The following MCC variants were observed in gnomAD, a reference collection of about 807,000 sequenced individuals.
MCC encodes the protein colorectal mutant cancer protein.
Under a neutral mutation model 116.2 loss-of-function variants are expected in MCC, and 90 were observed. That is an observed-to-expected ratio of 0.77 (90% CI 0.65 to 0.92). The LOEUF (loss-of-function observed/expected upper bound fraction) is 0.92, where lower values mean the gene tolerates loss of function less well. Ranked by LOEUF, MCC falls within the 40% of genes least tolerant of loss-of-function variation. MCC has a pLI of 0.00. For missense variants in MCC, 1,516 were observed against 1,312.2 expected, an observed-to-expected ratio of 1.16 and a Z score of -2.40; for synonymous variants, 578 against 510.5, an observed-to-expected ratio of 1.13 and a Z score of -1.78.
chr5:113,426,191 G>C (rs1042956300), intron 1 of MCC, among the ~76,000 whole-genome samples: 3 of 152,070 alleles, frequency 2.0e-5, no homozygotes, highest in African/African-American at 4.8e-5. Flanking sequence ...TGGGCCCCAG[G>C]GTGCTTGGAA....
intron 3 of MCC, among the ~76,000 whole-genome samples, chr5:113,329,834 C>T (rs1488509643): frequency 2.0e-5 from 3 of 152,184 alleles, no homozygotes; most frequent in African/African-American, 7.2e-5. Flanking sequence ...AGCTTAGCCT[C>T]TCCTCCAGAA....
At chr5:113,032,687 A>G (rs1751041979) in intron 17 of MCC, among the ~76,000 whole-genome samples, 1 of 152,226 alleles carries the variant, frequency 6.6e-6, no homozygotes, top group Non-Finnish European at 1.5e-5. Flanking sequence ...GCTAAGACCT[A>G]CTGGGCTGCA....
At chr5:113,338,019 A>G (rs1291357158) in intron 3 of MCC, among the ~76,000 whole-genome samples, 1 of 152,224 alleles carries the variant, frequency 6.6e-6, no homozygotes, top group Non-Finnish European at 1.5e-5. Context: ...GAGTTGCATG[A>G]CAAATGGTGA....
chr5:113,475,532 C>T (rs1309637624), intron 1 of MCC, among the ~76,000 whole-genome samples: 2 of 152,280 alleles, frequency 1.3e-5, no homozygotes, highest in East Asian at 3.9e-4. Context: ...CATATTTAAA[C>T]TGGCATTTTG....
At chr5:113,109,926 G>T (rs1409120544) in intron 6 of MCC, among the ~76,000 whole-genome samples, 1 of 152,158 alleles carries the variant, frequency 6.6e-6, no homozygotes, top group Non-Finnish European at 1.5e-5. Flanking sequence ...GGGCAGCTGA[G>T]GCAGGCCCAC....
At chr5:113,220,607 A>G (rs527436245) in intron 3 of MCC, among the ~76,000 whole-genome samples, 1 of 152,216 alleles carries the variant, frequency 6.6e-6, no homozygotes, top group East Asian at 1.9e-4. Context: ...TAGAATTTCA[A>G]TTTCTGATTG....
chr5:113,270,948 A>G (rs1261829219), intron 3 of MCC, among the ~76,000 whole-genome samples: 1 of 152,056 alleles, frequency 6.6e-6, no homozygotes, highest in African/African-American at 2.4e-5. Flanking sequence ...ACATAATTCA[A>G]TCTCTCCTTG....
chr5:113,344,976 A>T (rs1222247153), intron 2 of MCC, among the ~76,000 whole-genome samples: 2 of 152,170 alleles, frequency 1.3e-5, no homozygotes, highest in African/African-American at 4.8e-5. Flanking sequence ...GGGTAGAGCA[A>T]CAAGCAGGCT....
At chr5:113,107,493 AAGAACT>A (rs1756816277) in intron 6 of MCC, among the ~76,000 whole-genome samples, 1 of 152,004 alleles carries the variant, frequency 6.6e-6, no homozygotes, top group Non-Finnish European at 1.5e-5. Flanking sequence ...CTGAGCTGCT[AAGAACT>A]AGGATGCTCA....
intron 3 of MCC, among the ~76,000 whole-genome samples, chr5:113,294,055 T>C (rs1050219360): frequency 2.6e-5 from 4 of 152,174 alleles, no homozygotes; most frequent in African/African-American, 9.7e-5. Flanking sequence ...ATGCAGACTG[T>C]CGTGAGTAAA....
chr5:113,052,641 T>C (rs1209148399), intron 15 of MCC, among the ~76,000 whole-genome samples: 5 of 152,268 alleles, frequency 3.3e-5, no homozygotes, highest in African/African-American at 1.2e-4. Context: ...CCAGAGATGG[T>C]GCGACCAGGG....
chr5:113,468,077 T>C (rs1771967966), intron 1 of MCC, among the ~76,000 whole-genome samples: 1 of 152,204 alleles, frequency 6.6e-6, no homozygotes, highest in South Asian at 2.1e-4. Context: ...TGAGGAGATT[T>C]TGGGCTGAGA....
At chr5:113,100,240 T>C (rs1167388319) in intron 8 of MCC, among the ~76,000 whole-genome samples, 3 of 152,188 alleles carry the variant, frequency 2.0e-5, no homozygotes, top group African/African-American at 7.2e-5. Context: ...ATTTCTTCCA[T>C]ATTTTTCAAA....
At chr5:113,255,173 A>C (rs1306785414) in intron 3 of MCC, among the ~76,000 whole-genome samples, 1 of 152,120 alleles carries the variant, frequency 6.6e-6, no homozygotes, top group Non-Finnish European at 1.5e-5. Context: ...CTCAAAACAA[A>C]CAAACAAACA....
chr5:113,458,204 A>G (rs962380975), intron 1 of MCC, among the ~76,000 whole-genome samples: 1 of 152,122 alleles, frequency 6.6e-6, no homozygotes, highest in African/African-American at 2.4e-5. Flanking sequence ...AAATCTTGCT[A>G]CTGCTCACTC....
chr5:113,183,100 AG>A (rs1440747407), intron 3 of MCC, among the ~76,000 whole-genome samples: 2 of 152,236 alleles, frequency 1.3e-5, no homozygotes, highest in Non-Finnish European at 2.9e-5. Flanking sequence ...GATTTATACC[AG>A]GTCCGTGGCT....
intron 1 of MCC, among the ~76,000 whole-genome samples, chr5:113,422,285 A>G (rs6883102): frequency 0.14 from 21,370 of 152,160 alleles, 1,806 homozygotes; most frequent in Non-Finnish European, 0.2. Context: ...ATTCCACCAT[A>G]CAGATACAAG....
chr5:113,157,668 C>T (rs554271795), intron 3 of MCC, among the ~76,000 whole-genome samples: 18 of 152,284 alleles, frequency 1.2e-4, no homozygotes, highest in South Asian at 2.1e-4. Context: ...TCACTGCCAG[C>T]GTGCATCTAT....
At chr5:113,239,781 G>C (rs953472974) in intron 3 of MCC, among the ~76,000 whole-genome samples, 29 of 152,236 alleles carry the variant, frequency 1.9e-4, no homozygotes, top group Admixed American at 1.7e-3. Context: ...TCATTTGTCA[G>C]ATTTCCCACG....
Sources: gnomAD v4.1 joint callset for allele counts (sites outside exome capture counted in the v4.1 genomes callset) on GRCh38, gnomAD v4.1.1 for gene constraint, MANE v1.5 for transcripts, NCBI Gene and HGNC (gene_info 2026-07-23, HGNC 2026-07-21) for gene names.